ZDHHC9: variants seen among roughly 807,000 people sequenced by gnomAD.
ZDHHC9 encodes the protein palmitoyltransferase ZDHHC9.
ZDHHC9 carries 3 observed loss-of-function variants against 26.6 expected under a neutral mutation model. That is an observed-to-expected ratio of 0.11 (90% CI 0.05 to 0.29). The LOEUF is 0.29. ZDHHC9 is among the 10% of genes least tolerant of loss of function. The pLI, the probability that ZDHHC9 is intolerant of heterozygous loss-of-function variation, is 1.00. For missense variants in ZDHHC9, 146 were observed against 296.4 expected (o/e 0.49, Z 3.73); for synonymous variants, 111 against 109.4 (o/e 1.01, Z -0.09).
intron 2 of ZDHHC9, among the ~76,000 whole-genome samples, chrX:129,842,970 A>C (rs939281671): frequency 8.9e-6 from 1 of 112,391 alleles, no homozygotes; most frequent in Non-Finnish European, 1.9e-5. Context: ...TCTACTCAGC[A>C]TCCTGAATTC....
In ZDHHC9 at chrX:129,810,908, G is replaced by A. The variant is rs139619000; in HGVS notation, c.975C>T (p.Ser325=). The change falls in exon 10 of 11, where the codon AGC becomes AGT. Residue 325 remains serine, a synonymous_variant. Transcript: ENST00000357166. ...GCCTTAAGTCAGGAACACTTACTGG[G>A]CTCTGTGGCAAGAGGCTGCTACTGG... The part of the protein sequence containing the change: ...QETSSSLLPQ[S]PAPTEHLNSN... 7.5e-4 allele frequency: 904 copies of A among 1,207,269 alleles called. 4 individuals are homozygous for A. In the African/African-American group the frequency reaches 0.012, roughly 16 times the overall value.
chrX:129,834,509 G>A (rs939299609), intron 3 of ZDHHC9, among the ~76,000 whole-genome samples: 2 of 111,906 alleles, frequency 1.8e-5, no homozygotes, highest in Non-Finnish European at 3.8e-5. Flanking sequence ...TTTTGCTCCA[G>A]TAGCAATAAA....
In ZDHHC9 at chrX:129,843,709, A is replaced by C; in HGVS notation, c.-217T>G. ...ACCCCTCGTTACCTGAACCACGGAGACCCAACTCGGCCGGCAGCTGACGGC... is the reference window on the plus strand; with the variant it reads ...ACCCCTCGTTACCTGAACCACGGAGCCCCAACTCGGCCGGCAGCTGACGGC... On this transcript the variant is annotated 5_prime_UTR_variant, in exon 1 of 11. Transcript: ENST00000357166. 1.0e-5 allele frequency: 1 copy of C among 96,743 alleles called. No individual in the cohort carries two copies. 8.0% of individuals were successfully genotyped at this position (96,743 alleles called of 1,213,427 possible).
At chrX:129,842,149 C>T (rs1928397742) in intron 2 of ZDHHC9, 69 bp from the exon 3 acceptor site, 1 of 460,130 alleles carries the variant, frequency 2.2e-6, no homozygotes, top group African/African-American at 2.4e-5. Context: ...CCCTCCTTTC[C>T]CAGAGACAGA....
Position 129,804,488 on chromosome X carries a change from G to C in ZDHHC9, c.*1882C>G, listed in dbSNP as rs553772717. 1 of 111,240 alleles carries C rather than the reference G, an allele frequency of 9.0e-6. No homozygotes were observed. The highest frequency in any genetic ancestry group is 9.6e-5 in the Admixed American group (1 of 10,457). The allele number at this position is 111,240 out of a possible 1,213,427, so 9.2% of individuals were successfully genotyped here. A position where few individuals can be genotyped will look rare whatever the true frequency, so the allele number is the denominator to read the frequency against. ...CAATTAACTGGGAAGTATGAGATGG[G>C]AATTGATAGGGAGTCTTGATTATAC... On this transcript the variant is annotated 3_prime_UTR_variant, in exon 11 of 11. Coordinates refer to ENST00000357166, the MANE Select transcript of ZDHHC9 (RefSeq NM_016032.4).
chrX:129,834,349 A>G (rs922267215), intron 3 of ZDHHC9, among the ~76,000 whole-genome samples: 2 of 101,438 alleles, frequency 2.0e-5, no homozygotes, highest in Non-Finnish European at 3.8e-5. Context: ...ATAAACATGT[A>G]GAACCACCCA....
At chrX:129,834,883 G>A (rs982475310) in intron 3 of ZDHHC9, among the ~76,000 whole-genome samples, 3 of 112,071 alleles carry the variant, frequency 2.7e-5, no homozygotes, top group African/African-American at 6.5e-5. Context: ...TTGTTCTTAA[G>A]CACAATACCA....
chrX:129,807,184 C>A (rs1166353035), intron 10 of ZDHHC9, among the ~76,000 whole-genome samples: 3 of 112,106 alleles, frequency 2.7e-5, no homozygotes, highest in Non-Finnish European at 5.6e-5. Flanking sequence ...CGGTGGCTCA[C>A]GCCTGTAATC....
rs751334642 is a variant in ZDHHC9 at position 129,810,677 on chromosome X, C to T, written c.978+228G>A. On this transcript the variant is annotated intron_variant, in intron 10 of 10. Coordinates refer to ENST00000357166, the MANE Select transcript of ZDHHC9 (RefSeq NM_016032.4). ...GTTTGCCTCATTCATTGGTATAACC[C>T]TGGCAGCTAGTACAGTGGCTGGCAC... Among the ~76,000 whole-genome samples, 4 of 112,028 alleles carry T rather than the reference C, an allele frequency of 3.6e-5. No homozygotes were observed. In the South Asian group the frequency reaches 1.5e-3, roughly 41 times the overall value.
chrX:129,807,363 G>A (rs1174741639), intron 10 of ZDHHC9, among the ~76,000 whole-genome samples: 1 of 106,476 alleles, frequency 9.4e-6, no homozygotes, highest in African/African-American at 3.4e-5. Context: ...GGAGAATGGC[G>A]TGAACCCGGG....
intron 4 of ZDHHC9, among the ~76,000 whole-genome samples, chrX:129,828,115 C>T (rs1235480853): frequency 1.8e-5 from 2 of 112,221 alleles, no homozygotes; most frequent in Admixed American, 1.9e-4. Flanking sequence ...CAGCGCCCGG[C>T]CTAAAGCAGG....
chrX:129,838,769 T>TATTC (rs1465305418), intron 3 of ZDHHC9, among the ~76,000 whole-genome samples: 1 of 112,372 alleles, frequency 8.9e-6, no homozygotes, highest in Non-Finnish European at 1.9e-5. Context: ...TTGTTTTATG[T>TATTC]ATTCAATCTA....
intron 10 of ZDHHC9, 117 bp downstream of exon 10, chrX:129,810,788 T>C (rs1367344549): frequency 1.0e-5 from 6 of 591,171 alleles, no homozygotes; most frequent in Admixed American, 2.7e-5. Context: ...TCAGGGCAGG[T>C]GTAGAGGCAG....
At chrX:129,821,732 A>G (rs1380681873) in intron 5 of ZDHHC9, among the ~76,000 whole-genome samples, 1 of 108,221 alleles carries the variant, frequency 9.2e-6, no homozygotes, top group African/African-American at 3.3e-5. Context: ...GACCAGCCTG[A>G]CCAACATGGT....
intron 3 of ZDHHC9, among the ~76,000 whole-genome samples, chrX:129,838,013 A>C (rs7886746): frequency 0.038 from 4,288 of 112,330 alleles, 211 homozygotes; most frequent in African/African-American, 0.13. Context: ...CACAAGCTGG[A>C]TAGAGCTTAA....
chrX:129,814,849 C>G, intron 5 of ZDHHC9, 54 bp from the exon 6 acceptor site: 4 of 1,176,748 alleles, frequency 3.4e-6, no homozygotes, highest in Non-Finnish European at 4.6e-6. Context: ...AAAAATCAAC[C>G]CCACCATCCC....
In ZDHHC9 at chrX:129,821,115, G is replaced by A. The variant is rs1927873187; in HGVS notation, c.487+2564C>T. Among the ~76,000 whole-genome samples the A allele has an allele frequency of 7.2e-5, 8 of 111,532 alleles. No individual in the cohort carries two copies. In the Admixed American group the frequency reaches 7.6e-4, roughly 11 times the overall value. ...ATACCATCTCATGCCAGTCAGAATG[G>A]CGATTATTAAAAAGTCAAAAAACAA... On this transcript the variant is annotated intron_variant, in intron 5 of 10. Transcript: ENST00000357166.
intron 7 of ZDHHC9, among the ~76,000 whole-genome samples, chrX:129,813,441 C>T (rs1005593179): frequency 8.9e-6 from 1 of 112,266 alleles, no homozygotes; most frequent in East Asian, 2.8e-4. Flanking sequence ...ATCTGAACCC[C>T]CTTTGCAGAA....
intron 4 of ZDHHC9, among the ~76,000 whole-genome samples, chrX:129,824,633 T>A (rs1280284098): frequency 1.8e-5 from 2 of 111,921 alleles, no homozygotes; most frequent in East Asian, 2.8e-4. Flanking sequence ...ACTGATCAAG[T>A]CTACTTCTAG....
Sources: allele counts gnomAD v4.1 joint callset (sites outside exome capture counted in the v4.1 genomes callset), GRCh38; gene constraint gnomAD v4.1.1; transcripts MANE v1.5; gene names NCBI Gene and HGNC (gene_info 2026-07-23, HGNC 2026-07-21).